Variants in LINGO1 observed in about 807,000 individuals in gnomAD.
The protein encoded by LINGO1 is leucine rich repeat and Ig domain containing 1, also known as leucine-rich repeat and immunoglobulin-like domain-containing nogo receptor-interacting protein 1.
LINGO1 carries 11 observed loss-of-function variants against 37.3 expected under a neutral mutation model. The observed-to-expected ratio is 0.29, with a 90% CI of 0.19 to 0.49. The LOEUF (loss-of-function observed/expected upper bound fraction) is 0.49, where lower values mean the gene tolerates loss of function less well. LINGO1 is among the 20% of genes least tolerant of loss of function. The pLI is 0.99. For missense variants in LINGO1, 585 were observed against 878.2 expected (o/e 0.67, Z 4.22); for synonymous variants, 387 against 403.0 (o/e 0.96, Z 0.48).
At chr15:77,788,208 G>C (rs1013330768), upstream of LINGO1, 2 of 152,210 alleles carry the variant, frequency 1.3e-5, no homozygotes, top group African/African-American at 4.8e-5. Context: ...CATGTTTGTC[G>C]GGTTCTCAGA....
intron 3 of LINGO1, among the ~76,000 whole-genome samples, chr15:77,657,620 G>C (rs569883522): frequency 2.6e-5 from 4 of 152,132 alleles, no homozygotes; most frequent in Non-Finnish European, 5.9e-5. Context: ...GTCACACAGC[G>C]AGCCTGGGGT....
chr15:77,758,463 A>G (rs58745170), intron 1 of LINGO1, among the ~76,000 whole-genome samples: 4,975 of 152,138 alleles, frequency 0.033, 265 homozygotes, highest in African/African-American at 0.11. Flanking sequence ...CTCTGAGAGG[A>G]GAATGGCCAA....
chr15:77,713,210 T>G (rs1039705293), intron 2 of LINGO1, among the ~76,000 whole-genome samples: 1 of 123,722 alleles, frequency 8.1e-6, no homozygotes, highest in African/African-American at 3.2e-5. Context: ...GCCCAGCTAA[T>G]TGTGTGTGTG....
intron 1 of LINGO1, among the ~76,000 whole-genome samples, chr15:77,782,231 ACACAC>A: frequency 6.6e-6 from 1 of 151,068 alleles, no homozygotes; most frequent in South Asian, 2.1e-4. Flanking sequence ...ACACACACAC[ACACAC>A]ACACACACAC....
intron 1 of LINGO1, among the ~76,000 whole-genome samples, chr15:77,630,326 G>A (rs147004416): frequency 6.6e-5 from 10 of 152,244 alleles, no homozygotes; most frequent in South Asian, 2.1e-4. Context: ...AGATATCTGC[G>A]GCTGAAGGCG....
intron 1 of LINGO1, among the ~76,000 whole-genome samples, chr15:77,807,908 G>A (rs1028558910): frequency 2.0e-5 from 3 of 152,112 alleles, no homozygotes; most frequent in East Asian, 3.9e-4. Context: ...AGATGGTGAA[G>A]ACAAAATATT....
intron 1 of LINGO1, among the ~76,000 whole-genome samples, chr15:77,813,249 G>C (rs2077020597): frequency 6.6e-6 from 1 of 152,128 alleles, no homozygotes; most frequent in Admixed American, 6.5e-5. Context: ...TTTTTAATGA[G>C]GCATTTGGGC....
chr15:77,677,502 G>A (rs557004793), intron 2 of LINGO1, among the ~76,000 whole-genome samples: 6 of 152,140 alleles, frequency 3.9e-5, no homozygotes, highest in African/African-American at 1.2e-4. Flanking sequence ...TTTTGTTCAC[G>A]TGCACAGATA....
chr15:77,759,920 T>G (rs1182233779), intron 1 of LINGO1, among the ~76,000 whole-genome samples: 1 of 152,180 alleles, frequency 6.6e-6, no homozygotes, highest in Non-Finnish European at 1.5e-5. Context: ...GAACCACACC[T>G]ATAACCAGGG....
intron 1 of LINGO1, among the ~76,000 whole-genome samples, chr15:77,752,712 T>C (rs1445586136): frequency 6.6e-6 from 1 of 152,118 alleles, no homozygotes; most frequent in African/African-American, 2.4e-5. Context: ...TGTAGCACTG[T>C]AGAGGGGAGG....
chr15:77,809,180 C>T (rs2076983455), intron 1 of LINGO1, among the ~76,000 whole-genome samples: 2 of 152,224 alleles, frequency 1.3e-5, no homozygotes, highest in Non-Finnish European at 2.9e-5. Context: ...TTCAGCCTCC[C>T]AGGGGGATGA....
chr15:77,697,759 G>A (rs776600845), upstream of LINGO1, among the ~76,000 whole-genome samples: 21 of 152,184 alleles, frequency 1.4e-4, no homozygotes, highest in Non-Finnish European at 2.1e-4. Flanking sequence ...TCTGATCCAG[G>A]GCTGCGGTTT....
intron 1 of LINGO1, among the ~76,000 whole-genome samples, chr15:77,628,737 T>C (rs2074167059): frequency 6.6e-6 from 1 of 152,164 alleles, no homozygotes; most frequent in African/African-American, 2.4e-5. Flanking sequence ...GATTAATTAA[T>C]TAACAGGCTG....
chr15:77,776,360 T>C (rs1456762627), intron 1 of LINGO1, among the ~76,000 whole-genome samples: 1 of 150,356 alleles, frequency 6.7e-6, no homozygotes, highest in Non-Finnish European at 1.5e-5. Flanking sequence ...CCCTCCACCA[T>C]GGATTCCCTC....
chr15:77,712,706 G>A (rs1369784253), intron 2 of LINGO1, among the ~76,000 whole-genome samples: 1 of 152,112 alleles, frequency 6.6e-6, no homozygotes, highest in African/African-American at 2.4e-5. Context: ...ACCTCACTTT[G>A]TTTTCACTGG....
chr15:77,735,448 C>T (rs1399623668), intron 1 of LINGO1, among the ~76,000 whole-genome samples: 2 of 152,312 alleles, frequency 1.3e-5, no homozygotes, highest in Admixed American at 1.3e-4. Context: ...CCTGAGGCCA[C>T]GTGTGGCTTA....
chr15:77,733,215 T>C (rs1203678046), intron 2 of LINGO1, among the ~76,000 whole-genome samples: 1 of 152,148 alleles, frequency 6.6e-6, no homozygotes, highest in African/African-American at 2.4e-5. Flanking sequence ...GGGCAGTTAC[T>C]GTGGGGTAGC....
At chr15:77,777,133 A>G in intron 1 of LINGO1, among the ~76,000 whole-genome samples, 1 of 152,214 alleles carries the variant, frequency 6.6e-6, no homozygotes, top group Middle Eastern at 3.2e-3. Flanking sequence ...GCCACATGGA[A>G]GGTGCTCACC....
chr15:77,703,962 G>A (rs2075816952), intron 2 of LINGO1, among the ~76,000 whole-genome samples: 1 of 152,188 alleles, frequency 6.6e-6, no homozygotes, highest in South Asian at 2.1e-4. Flanking sequence ...CTACCCCAGG[G>A]AGAAATGCTG....
Sources: allele counts gnomAD v4.1 joint callset (sites outside exome capture counted in the v4.1 genomes callset), GRCh38; gene constraint gnomAD v4.1.1; transcripts MANE v1.5; gene names NCBI Gene and HGNC (gene_info 2026-07-23, HGNC 2026-07-21).